The following NACC2 variants were observed in gnomAD, a reference collection of about 807,000 sequenced individuals.
NACC2 encodes NACC family member 2, also known as nucleus accumbens-associated protein 2.
A neutral mutation model predicts 25.1 loss-of-function variants in NACC2; 8 were observed. That is an observed-to-expected ratio of 0.32 (90% CI 0.19 to 0.57). NACC2 has a LOEUF of 0.57. Ranked by LOEUF, NACC2 falls within the 20% of genes least tolerant of loss-of-function variation. The probability of loss-of-function intolerance (pLI) is 0.89; values close to 1 mark genes in which losing one functional copy is unlikely to be tolerated. For missense variants in NACC2, 644 were observed against 650.2 expected, an observed-to-expected ratio of 0.99 and a Z score of 0.10; for synonymous variants, 435 against 294.7, an observed-to-expected ratio of 1.48 and a Z score of -4.88.
chr9:136,079,353 C>T (rs1361450274), intron 1 of NACC2, among the ~76,000 whole-genome samples: 1 of 152,198 alleles, frequency 6.6e-6, no homozygotes, highest in East Asian at 1.9e-4. Context: ...CATCCTCTGG[C>T]TTCCAGGCAG....
At chr9:136,083,553 G>T (rs1032492102) in intron 1 of NACC2, among the ~76,000 whole-genome samples, 1 of 152,242 alleles carries the variant, frequency 6.6e-6, no homozygotes, top group South Asian at 2.1e-4. Flanking sequence ...CAGGTCCAGA[G>T]GTGTCTTCTG....
At chr9:136,052,725 G>A (rs1840864760) in intron 1 of NACC2, among the ~76,000 whole-genome samples, 1 of 152,220 alleles carries the variant, frequency 6.6e-6, no homozygotes, top group African/African-American at 2.4e-5. Context: ...CGCCTGAGAG[G>A]TCCCAGCAGA....
chr9:136,073,962 A>C (rs1317227011), intron 1 of NACC2, among the ~76,000 whole-genome samples: 2 of 152,160 alleles, frequency 1.3e-5, no homozygotes, highest in African/African-American at 4.8e-5. Flanking sequence ...CGAAGTAACC[A>C]ACAGGGATTT....
In NACC2 at chr9:136,007,293, T is replaced by G. The variant is rs1246776611; in HGVS notation, c.*4223A>C. The stretch of plus-strand genomic sequence containing the variant: ...CAAACACGAAAAACCTTTGCCATTT[T>G]AGAACCATCTTGTACCAAACCCTAA... On this transcript the variant is annotated 3_prime_UTR_variant, in exon 6 of 6. Coordinates refer to ENST00000277554, the MANE Select transcript of NACC2 (RefSeq NM_144653.5). 1 of 154,428 alleles carries G rather than the reference T, an allele frequency of 6.5e-6. No individual in the cohort carries two copies. Among genetic ancestry groups the G allele is most frequent in the Admixed American group, 6.5e-5 (1 of 15,288 alleles). The allele number at this position is 154,428 out of a possible 1,614,324, so 9.6% of individuals were successfully genotyped here. A position where few individuals can be genotyped will look rare whatever the true frequency, so the allele number is the denominator to read the frequency against.
intron 2 of NACC2, among the ~76,000 whole-genome samples, chr9:136,041,060 AAAGG>A (rs1281679324): frequency 6.7e-5 from 10 of 148,806 alleles, no homozygotes; most frequent in African/African-American, 7.4e-5. Context: ...GGAAGGAAGG[AAAGG>A]AAGGAAGGAA....
At position 136,013,077 on chromosome 9, in the gene NACC2, G is replaced by A. The variant is rs1033897074; in HGVS notation, c.1255+122C>T. On this transcript the variant is annotated intron_variant, in intron 5 of 5. Coordinates refer to ENST00000277554, the MANE Select transcript of NACC2 (RefSeq NM_144653.5). The surrounding 1 kb of genome is among the most constrained non-coding windows in gnomAD (Gnocchi z 6.6). ...TCTTCCCCTCAATCAGACCATGCTC[G>A]GCCCCCAGGGACGGAAGCTGCAGGT... 5.7e-5 allele frequency: 42 copies of A among 736,508 alleles called. No individual in the cohort carries two copies. Among genetic ancestry groups the A allele is most frequent in the Admixed American group, 4.4e-4 (16 of 36,442 alleles). The allele number at this position is 736,508 out of a possible 1,614,324, so 45.6% of individuals were successfully genotyped here. A position where few individuals can be genotyped will look rare whatever the true frequency, so the allele number is the denominator to read the frequency against.
At chr9:136,078,058 CA>C (rs1830281809) in intron 1 of NACC2, among the ~76,000 whole-genome samples, 1 of 152,192 alleles carries the variant, frequency 6.6e-6, no homozygotes, top group African/African-American at 2.4e-5. Flanking sequence ...AGGCATGAGC[CA>C]CCGCGTCCGG....
chr9:136,090,982 C>T (rs1341739737), intron 1 of NACC2, among the ~76,000 whole-genome samples: 1 of 152,198 alleles, frequency 6.6e-6, no homozygotes, highest in African/African-American at 2.4e-5. Flanking sequence ...GGCCCAGGAG[C>T]TCGCGGCCGC....
chr9:136,030,565 G>T (rs1840458287), intron 2 of NACC2, among the ~76,000 whole-genome samples: 1 of 151,846 alleles, frequency 6.6e-6, no homozygotes, highest in Non-Finnish European at 1.5e-5. Flanking sequence ...AGCCGAGACT[G>T]CGCCACTGCA....
rs970165216 is a variant in NACC2 at position 136,007,356 on chromosome 9, C to G, written c.*4160G>C. 2 of 151,764 alleles carry G rather than the reference C, an allele frequency of 1.3e-5. No homozygotes were observed. Among genetic ancestry groups the G allele is most frequent in the East Asian group, 1.9e-4 (1 of 5,198 alleles). 9.4% of individuals were successfully genotyped at this position (151,764 alleles called of 1,614,324 possible). On this transcript the variant is annotated 3_prime_UTR_variant, in exon 6 of 6. Transcript: ENST00000277554. ...TGACGTGCACGCGCGTGCACACACA[C>G]AGACACACGCGTGCACACATACACA...
In NACC2 at chr9:136,008,491, G is replaced by A. The variant is rs976816383; in HGVS notation, c.*3025C>T. ...GCGTATTGCTAATAGTCAGGCTTAG[G>A]GATAAAGGTGCAGACATCTCATAAA... On this transcript the variant is annotated 3_prime_UTR_variant, in exon 6 of 6. Transcript: ENST00000277554. 2.0e-5 allele frequency: 3 copies of A among 152,336 alleles called. No individual in the cohort carries two copies. The highest frequency in any genetic ancestry group is 1.3e-4 in the Admixed American group (2 of 15,286). 9.4% of individuals were successfully genotyped at this position (152,336 alleles called of 1,614,324 possible). A position where few individuals can be genotyped will look rare whatever the true frequency, so the allele number is the denominator to read the frequency against.
chr9:136,011,740 C>T lies in NACC2; in HGVS notation c.1540G>A (p.Val514Met), dbSNP rs201203750. The change falls in exon 6 of 6, where the codon GTG (valine) becomes ATG (methionine). Residue 514 changes from valine to methionine, a missense_variant. By Grantham distance (21) the Val-to-Met change is conservative. Coordinates refer to ENST00000277554, the MANE Select transcript of NACC2 (RefSeq NM_144653.5). Reference sequence around the variant, plus strand: ...GCGGCGGCACTCAGGTCAACATTCACGGCGTCAGTTCTCAGAGCCACGATG... The same window carrying T: ...GCGGCGGCACTCAGGTCAACATTCATGGCGTCAGTTCTCAGAGCCACGATG... ...ATIVALRTDA[V>M]NVDLSAAANP... 2.2e-4 allele frequency: 335 copies of T among 1,537,636 alleles called. No individual in the cohort carries two copies. The highest frequency in any genetic ancestry group is 2.6e-4 in the Non-Finnish European group (302 of 1,142,526).
chr9:136,073,990 T>C (rs1390112075), intron 1 of NACC2, among the ~76,000 whole-genome samples: 3 of 152,108 alleles, frequency 2.0e-5, no homozygotes, highest in African/African-American at 7.2e-5. Flanking sequence ...CTCCGTCATG[T>C]CCTTGACTAT....
At chr9:136,066,854 C>T (rs1458882111) in intron 1 of NACC2, among the ~76,000 whole-genome samples, 15 of 150,740 alleles carry the variant, frequency 1.0e-4, no homozygotes, top group Non-Finnish European at 7.4e-5. Context: ...CGAAACATTA[C>T]GCTAAGTGTG....
rs1840101634 is a variant in NACC2, at chr9:136,011,270, T to G, written c.*246A>C. The G allele has an allele frequency of 5.9e-6, 2 of 338,572 alleles. No homozygotes were observed. The highest frequency in any genetic ancestry group is 9.9e-5 in the East Asian group (2 of 20,106). 21.0% of individuals were successfully genotyped at this position (338,572 alleles called of 1,614,324 possible). ...GGGAAGCTACACTTGGAGGCTGACC[T>G]TGTGAATATCAAAAGGGAGCCCTGG... On this transcript the variant is annotated 3_prime_UTR_variant, in exon 6 of 6. Transcript: ENST00000277554.
intron 1 of NACC2, among the ~76,000 whole-genome samples, chr9:136,058,541 C>T (rs2131169071): frequency 6.6e-6 from 1 of 152,268 alleles, no homozygotes; most frequent in African/African-American, 2.4e-5. Flanking sequence ...GTTGGATACA[C>T]ACGGACATAA....
intron 1 of NACC2, among the ~76,000 whole-genome samples, chr9:136,064,904 T>C (rs535481671): frequency 6.6e-6 from 1 of 152,224 alleles, no homozygotes; most frequent in African/African-American, 2.4e-5. Flanking sequence ...AATGTATTCA[T>C]GTGTCTGCAG....
Position 136,049,945 on chromosome 9 carries a change from G to C in NACC2, c.577C>G (p.Leu193Val). 1 of 585,396 alleles carries C rather than the reference G, an allele frequency of 1.7e-6. No individual in the cohort carries two copies. The highest frequency in any genetic ancestry group is 2.0e-5 in the African/African-American group (1 of 51,190). The allele number at this position is 585,396 out of a possible 1,614,324, so 36.3% of individuals were successfully genotyped here. ...AGPGLAPKRP[L>V]ETGPRDGVAV... The stretch of plus-strand genomic sequence containing the variant: ...ACGCCGTCCCGGGGCCCCGTCTCCA[G>C]CGGGCGCTTGGGGGCCAGGCCTGGG... The change falls in exon 2 of 6, where the codon CTG becomes GTG. Residue 193 changes from leucine (L) to valine (V), a missense_variant. Leu to Val is a conservative substitution (Grantham distance 32). Coordinates refer to ENST00000277554, the MANE Select transcript of NACC2 (RefSeq NM_144653.5).
rs944979796 is a variant in NACC2, at chr9:136,019,762, G to A, written c.887-3333C>T. Among the ~76,000 whole-genome samples, 12 of 152,094 alleles carry A rather than the reference G, an allele frequency of 7.9e-5. No homozygotes were observed. The highest frequency in any genetic ancestry group is 6.2e-4 in the South Asian group (3 of 4,824). On this transcript the variant is annotated intron_variant, in intron 2 of 5. Transcript: ENST00000277554. The surrounding 1 kb of genome is among the most constrained non-coding windows in gnomAD (Gnocchi z 5.2). Reference sequence around the variant, plus strand: ...CACAAGGACAAATGCTGCCCGGGGCGCGGGGTTGGGGCCTTCAGGGACCCA... The same window carrying A: ...CACAAGGACAAATGCTGCCCGGGGCACGGGGTTGGGGCCTTCAGGGACCCA...
Sources: allele counts gnomAD v4.1 joint callset (sites outside exome capture counted in the v4.1 genomes callset), GRCh38; gene constraint gnomAD v4.1.1; non-coding constraint Gnocchi (gnomAD v3.1); transcripts MANE v1.5; gene names NCBI Gene and HGNC (gene_info 2026-07-23, HGNC 2026-07-21).